The following INPP1 variants were observed in gnomAD, a reference collection of about 807,000 sequenced individuals.
INPP1 encodes inositol polyphosphate 1-phosphatase.
INPP1 carries 18 observed loss-of-function variants against 23.0 expected under a neutral mutation model. The ratio of observed to expected loss-of-function variants is 0.78; its 90% CI spans 0.54 to 1.16. INPP1 has a LOEUF of 1.16. INPP1 is among the 50% of genes most tolerant of loss of function. The probability of loss-of-function intolerance (pLI) is 0.00; values close to 1 mark genes in which losing one functional copy is unlikely to be tolerated. For synonymous variants in INPP1, 164 were observed against 176.3 expected (o/e 0.93, Z 0.55); for missense variants, 448 against 482.1 (o/e 0.93, Z 0.66).
At position 190,346,366 on chromosome 2, in the gene INPP1, AT is replaced by A. The variant is rs1395990162; in HGVS notation, c.-209+2409del. Among the ~76,000 whole-genome samples the A allele has an allele frequency of 6.6e-6, 1 of 152,214 alleles. No homozygotes were observed. The highest frequency in any genetic ancestry group is 1.5e-5 in the Non-Finnish European group (1 of 68,046). On this transcript the variant is annotated intron_variant, in intron 1 of 6. Transcript: ENST00000392329. The surrounding 1 kb of genome is among the most constrained non-coding windows in gnomAD (Gnocchi z 5.1). ...ATAAAATGTTCATATATGGAAACTGATTTTATTAATATGATGAGGCCACTCA... is the reference window on the plus strand; with the variant it reads ...ATAAAATGTTCATATATGGAAACTGATTTATTAATATGATGAGGCCACTCA...
intron 4 of INPP1, among the ~76,000 whole-genome samples, chr2:190,364,085 A>G (rs1340488663): frequency 1.3e-5 from 2 of 152,214 alleles, no homozygotes; most frequent in Non-Finnish European, 2.9e-5. Flanking sequence ...AGCCATTATT[A>G]GCTTTATTAT....
At chr2:190,353,157 C>G (rs1689356278) in intron 2 of INPP1, among the ~76,000 whole-genome samples, 1 of 152,146 alleles carries the variant, frequency 6.6e-6, no homozygotes, top group Non-Finnish European at 1.5e-5. Context: ...CAAAAGGGCA[C>G]AGCCAGCTTC....
At chr2:190,344,955 G>C (rs1315057700) in intron 1 of INPP1, among the ~76,000 whole-genome samples, 1 of 152,202 alleles carries the variant, frequency 6.6e-6, no homozygotes, top group Admixed American at 6.5e-5. Flanking sequence ...TGCTCAACTT[G>C]ATAATAGTAT....
Position 190,368,783 on chromosome 2 carries a change from A to C in INPP1, c.467-320A>C, listed in dbSNP as rs963179013. The C allele has an allele frequency of 2.3e-5, 4 of 170,406 alleles. No homozygotes were observed. The highest frequency in any genetic ancestry group is 5.0e-5 in the Non-Finnish European group (4 of 80,258). 10.6% of individuals were successfully genotyped at this position (170,406 alleles called of 1,614,324 possible). ...TCCTCTGATTAGTAGTATTTCTAAAATAATCCCACCAATTATTCTGGTTAT... is the reference window on the plus strand; with the variant it reads ...TCCTCTGATTAGTAGTATTTCTAAACTAATCCCACCAATTATTCTGGTTAT... On this transcript the variant is annotated intron_variant, in intron 5 of 6. Coordinates refer to ENST00000392329, the MANE Select transcript of INPP1 (RefSeq NM_001128928.2). The surrounding 1 kb of genome is among the most constrained non-coding windows in gnomAD (Gnocchi z 4.3).
chr2:190,351,666 T>C (rs1272766591), intron 2 of INPP1, among the ~76,000 whole-genome samples: 2 of 152,240 alleles, frequency 1.3e-5, no homozygotes, highest in Non-Finnish European at 2.9e-5. Flanking sequence ...TTCTCTGCTG[T>C]ATAGCATTTC....
In INPP1 at chr2:190,368,756, A is replaced by T. The variant is rs1202626519; in HGVS notation, c.467-347A>T. On this transcript the variant is annotated intron_variant, in intron 5 of 6. Transcript: ENST00000392329. The surrounding 1 kb of genome is among the most constrained non-coding windows in gnomAD (Gnocchi z 4.3). Reference sequence around the variant, plus strand: ...AGGCTTTTCCATCTCACATTGTACTAGTCCTCTGATTAGTAGTATTTCTAA... The same window carrying T: ...AGGCTTTTCCATCTCACATTGTACTTGTCCTCTGATTAGTAGTATTTCTAA... 2 of 158,998 alleles carry T rather than the reference A, an allele frequency of 1.3e-5. No homozygotes were observed. The highest frequency in any genetic ancestry group is 2.7e-5 in the Non-Finnish European group (2 of 72,840). 9.8% of individuals were successfully genotyped at this position (158,998 alleles called of 1,614,324 possible).
At chr2:190,366,461 C>T (rs1245982695) in intron 4 of INPP1, among the ~76,000 whole-genome samples, 1 of 148,484 alleles carries the variant, frequency 6.7e-6, no homozygotes, top group Admixed American at 6.7e-5. Context: ...CTGTCTTGCT[C>T]TCTCTGTCTC....
intron 4 of INPP1, among the ~76,000 whole-genome samples, chr2:190,364,407 T>C (rs369186830): frequency 1.3e-3 from 200 of 151,790 alleles, no homozygotes; most frequent in African/African-American, 4.7e-3. Context: ...CCGGGCGTGG[T>C]GGCGGGCGCC....
In INPP1 at chr2:190,360,298, G is replaced by C. The variant is rs774921776; in HGVS notation, c.196G>C (p.Glu66Gln). ...ACAGGAAGTTATAAAACAGAATATG[G>C]AGAACAAGGTAAGAAAGGTCATAGC... ...LVQEVIKQNM[E>Q]NKFPGLEKNI... The change falls in exon 3 of 7, where the codon GAG becomes CAG. Residue 66 changes from glutamate (E) to glutamine (Q), a missense_variant. Transcript: ENST00000392329. 1 of 1,614,000 alleles carries C rather than the reference G, an allele frequency of 6.2e-7. No individual in the cohort carries two copies. The highest frequency in any genetic ancestry group is 1.1e-5 in the South Asian group (1 of 91,022).
In INPP1 at chr2:190,356,712, A is replaced by G. The variant is rs1689427244; in HGVS notation, c.-64-3327A>G. 6.6e-6 allele frequency: 1 copy of G among 152,162 alleles called. No homozygotes were observed. Among genetic ancestry groups the G allele is most frequent in the Non-Finnish European group, 1.5e-5 (1 of 68,034 alleles). The allele number at this position is 152,162 out of a possible 1,614,324, so 9.4% of individuals were successfully genotyped here. A position where few individuals can be genotyped will look rare whatever the true frequency, so the allele number is the denominator to read the frequency against. On this transcript the variant is annotated intron_variant, in intron 2 of 6. Coordinates refer to ENST00000392329, the MANE Select transcript of INPP1 (RefSeq NM_001128928.2). The surrounding 1 kb of genome is among the most constrained non-coding windows in gnomAD (Gnocchi z 6.4). ...AGTATCGTTTCTTTTAAGAAAAAAA[A>G]TTGATTTTAACACTTGAATAAAAGA...
chr2:190,346,154 T>G lies in INPP1; in HGVS notation c.-209+2193T>G, dbSNP rs1235997205. Among the ~76,000 whole-genome samples, 1 of 152,196 alleles carries G rather than the reference T, an allele frequency of 6.6e-6. No individual in the cohort carries two copies. The highest frequency in any genetic ancestry group is 2.4e-5 in the African/African-American group (1 of 41,448). On this transcript the variant is annotated intron_variant, in intron 1 of 6. Transcript: ENST00000392329. This position sits in a 1 kb window ranked among gnomAD's most constrained non-coding sequence, Gnocchi z 5.1. ...TAGAGTATAATAGTGGTTTAAAAGATTCCCAGATTGCAACTTGAGACTTCC... is the reference window on the plus strand; with the variant it reads ...TAGAGTATAATAGTGGTTTAAAAGAGTCCCAGATTGCAACTTGAGACTTCC...
At chr2:190,349,579 AT>A (rs1689287970) in intron 2 of INPP1, among the ~76,000 whole-genome samples, 1 of 152,176 alleles carries the variant, frequency 6.6e-6, no homozygotes, top group African/African-American at 2.4e-5. Context: ...TCAAATTTGT[AT>A]TTTTAAAAAA....
At chr2:190,350,858 A>T (rs1689311886) in intron 2 of INPP1, among the ~76,000 whole-genome samples, 1 of 152,220 alleles carries the variant, frequency 6.6e-6, no homozygotes, top group South Asian at 2.1e-4. Flanking sequence ...TCACCTCTAG[A>T]TGAAAGGGGA....
intron 4 of INPP1, among the ~76,000 whole-genome samples, chr2:190,364,353 C>A (rs1689595287): frequency 1.3e-5 from 2 of 152,028 alleles, no homozygotes; most frequent in Middle Eastern, 3.4e-3. Context: ...TCCTGGCTAA[C>A]ACGGTGAAAC....
chr2:190,361,272 TA>T (rs1198762844), intron 3 of INPP1, among the ~76,000 whole-genome samples: 2 of 152,212 alleles, frequency 1.3e-5, no homozygotes, highest in Non-Finnish European at 2.9e-5. Context: ...TTTTATATGA[TA>T]ATCTAACCAT....
rs977032784 is a variant in INPP1 at position 190,354,950 on chromosome 2, T to A, written c.-64-5089T>A. Among the ~76,000 whole-genome samples the A allele has an allele frequency of 1.9e-5, 1 of 51,646 alleles. No individual in the cohort carries two copies. Among genetic ancestry groups the A allele is most frequent in the East Asian group, 7.9e-4 (1 of 1,270 alleles). The allele number at this position is 51,646 out of a possible 152,430, so 33.9% of individuals were successfully genotyped here. A position where few individuals can be genotyped will look rare whatever the true frequency, so the allele number is the denominator to read the frequency against. On this transcript the variant is annotated intron_variant, in intron 2 of 6. Transcript: ENST00000392329. This position sits in a 1 kb window ranked among gnomAD's most constrained non-coding sequence, Gnocchi z 4.8. ...GGTGTGTGTGTGTGTGTGTGTGCATTTTTTTTTTTTTTGCTATATAATGTA... is the reference window on the plus strand; with the variant it reads ...GGTGTGTGTGTGTGTGTGTGTGCATATTTTTTTTTTTTGCTATATAATGTA...
chr2:190,369,402 A>G, intron 6 of INPP1, 125 bp downstream of exon 6: 1 of 515,916 alleles, frequency 1.9e-6, no homozygotes, highest in Non-Finnish European at 3.5e-6. Flanking sequence ...TGCCATTGAA[A>G]GTCTGCGTAT....
At chr2:190,358,485 T>C (rs1420611724) in intron 2 of INPP1, among the ~76,000 whole-genome samples, 1 of 152,232 alleles carries the variant, frequency 6.6e-6, no homozygotes, top group Non-Finnish European at 1.5e-5. Flanking sequence ...TCCAAAATGC[T>C]GGGATTACAG....
Position 190,371,161 on chromosome 2 carries a change from C to G in INPP1, c.959C>G (p.Ala320Gly). 1 of 1,614,192 alleles carries G rather than the reference C, an allele frequency of 6.2e-7. No individual in the cohort carries two copies. The highest frequency in any genetic ancestry group is 1.7e-5 in the Admixed American group (1 of 60,020). The change falls in exon 7 of 7, where the codon GCT becomes GGT. Residue 320 changes from alanine to glycine, a missense_variant. Transcript: ENST00000392329. The surrounding 1 kb of genome is among the most constrained non-coding windows in gnomAD (Gnocchi z 5.3). ...DTTFKWDSCA[A>G]HAILRAMGGG... is the part of the protein sequence containing the mutation. ...ACATTCAAATGGGACTCTTGTGCTGCTCATGCCATACTGAGGGCCATGGGT... is the reference window on the plus strand; with the variant it reads ...ACATTCAAATGGGACTCTTGTGCTGGTCATGCCATACTGAGGGCCATGGGT...
Sources: allele counts gnomAD v4.1 joint callset (sites outside exome capture counted in the v4.1 genomes callset), GRCh38; gene constraint gnomAD v4.1.1; non-coding constraint Gnocchi (gnomAD v3.1); transcripts MANE v1.5; gene names NCBI Gene and HGNC (gene_info 2026-07-23, HGNC 2026-07-21).